Variants in RFTN2 observed in about 807,000 individuals in gnomAD.
RFTN2 encodes raftlin-2.
RFTN2 carries 34 observed loss-of-function variants against 52.7 expected under a neutral mutation model. The observed-to-expected ratio is 0.64, with a 90% confidence interval of 0.49 to 0.86. RFTN2 has a LOEUF of 0.86. Among genes scored for constraint, RFTN2 ranks in the 40% least tolerant of loss-of-function variants. The probability of loss-of-function intolerance (pLI) is 0.00; values close to 1 mark genes in which losing one functional copy is unlikely to be tolerated. For synonymous variants in RFTN2, 203 were observed against 217.7 expected (o/e 0.93, Z 0.59); for missense variants, 536 against 600.1 (o/e 0.89, Z 1.12).
chr2:197,585,871 C>T (rs1312041523), intron 8 of RFTN2, among the ~76,000 whole-genome samples: 1 of 152,044 alleles, frequency 6.6e-6, no homozygotes, highest in Non-Finnish European at 1.5e-5. Context: ...TTAAAAAAAC[C>T]TTTCTCCTTA....
intron 2 of RFTN2, among the ~76,000 whole-genome samples, chr2:197,645,757 G>C (rs902298963): frequency 3.3e-5 from 5 of 152,206 alleles, no homozygotes; most frequent in Admixed American, 6.5e-5. Flanking sequence ...GGGTGCAGTG[G>C]CTCATGCCTG....
At chr2:197,576,179 T>G (rs2087416712) in intron 8 of RFTN2, among the ~76,000 whole-genome samples, 1 of 151,906 alleles carries the variant, frequency 6.6e-6, no homozygotes, top group Admixed American at 6.6e-5. Context: ...AGCTAATTTT[T>G]GTGTTATTAG....
intron 7 of RFTN2, among the ~76,000 whole-genome samples, chr2:197,604,509 A>C (rs547385913): frequency 4.5e-4 from 69 of 152,302 alleles, no homozygotes; most frequent in African/African-American, 1.6e-3. Flanking sequence ...AAACAGGCAA[A>C]ACTAAACTGT....
chr2:197,579,493 G>A (rs1056880133), intron 8 of RFTN2, among the ~76,000 whole-genome samples: 5 of 152,064 alleles, frequency 3.3e-5, no homozygotes, highest in African/African-American at 1.2e-4. Context: ...CTCAACAATT[G>A]TTCCAAATAG....
intron 1 of RFTN2, among the ~76,000 whole-genome samples, chr2:197,673,694 C>T (rs1468126350): frequency 6.6e-6 from 1 of 152,150 alleles, no homozygotes; most frequent in Non-Finnish European, 1.5e-5. Flanking sequence ...TAACAAAACC[C>T]AAGTGACTTT....
At chr2:197,643,577 C>A (rs2106248858) in intron 3 of RFTN2, among the ~76,000 whole-genome samples, 1 of 152,214 alleles carries the variant, frequency 6.6e-6, no homozygotes, top group Middle Eastern at 3.4e-3. Context: ...TCTCTCTGTC[C>A]ATTTAAGACG....
At chr2:197,617,132 TA>T (rs566065843) in intron 6 of RFTN2, among the ~76,000 whole-genome samples, 3 of 151,972 alleles carry the variant, frequency 2.0e-5, no homozygotes, top group African/African-American at 4.8e-5. Context: ...TTCATAAGGT[TA>T]AAAAAAACCT....
At chr2:197,618,081 C>T (rs1574711085) in intron 5 of RFTN2, 160 bp from the exon 6 acceptor site, 2 of 366,362 alleles carry the variant, frequency 5.5e-6, no homozygotes, top group Admixed American at 4.4e-5. Flanking sequence ...TCTCCCTCTC[C>T]CTCTCCCCAC....
At chr2:197,585,161 C>T (rs373490640) in intron 8 of RFTN2, among the ~76,000 whole-genome samples, 1 of 152,178 alleles carries the variant, frequency 6.6e-6, no homozygotes, top group Non-Finnish European at 1.5e-5. Context: ...TTCTGAAGAA[C>T]AGTAATAACC....
intron 1 of RFTN2, among the ~76,000 whole-genome samples, chr2:197,652,082 T>G (rs1413704879): frequency 6.6e-6 from 1 of 152,248 alleles, no homozygotes; most frequent in Non-Finnish European, 1.5e-5. Context: ...GAAATCCTCT[T>G]GGTATCTTTC....
chr2:197,653,390 G>A (rs892571781), intron 1 of RFTN2, among the ~76,000 whole-genome samples: 9 of 152,126 alleles, frequency 5.9e-5, no homozygotes, highest in African/African-American at 2.2e-4. Flanking sequence ...GCACCATCTG[G>A]ATATATCTGA....
chr2:197,636,433 TCTC>T (rs1275926339), intron 3 of RFTN2, among the ~76,000 whole-genome samples: 1 of 132,844 alleles, frequency 7.5e-6, no homozygotes, highest in Non-Finnish European at 1.6e-5. Flanking sequence ...GGTTTGTAGT[TCTC>T]CTTGAAGAGG....
chr2:197,608,170 T>C (rs1033716290), intron 7 of RFTN2, among the ~76,000 whole-genome samples: 13 of 152,202 alleles, frequency 8.5e-5, no homozygotes, highest in Admixed American at 5.9e-4. Flanking sequence ...AGACTTCCAG[T>C]GCTTCTGAGC....
intron 3 of RFTN2, among the ~76,000 whole-genome samples, chr2:197,635,459 G>A (rs1453414062): frequency 6.6e-6 from 1 of 152,080 alleles, no homozygotes; most frequent in Non-Finnish European, 1.5e-5. Context: ...TCTCATTGTG[G>A]TTTTGATTTG....
chr2:197,576,680 A>G (rs1330183843), intron 8 of RFTN2, among the ~76,000 whole-genome samples: 1 of 152,216 alleles, frequency 6.6e-6, no homozygotes, highest in African/African-American at 2.4e-5. Flanking sequence ...AAAGCAAACA[A>G]ACAGCTTTAT....
At chr2:197,648,308 T>C (rs2088781584) in intron 1 of RFTN2, among the ~76,000 whole-genome samples, 1 of 152,208 alleles carries the variant, frequency 6.6e-6, no homozygotes. Flanking sequence ...AGGGTCCACT[T>C]CCTCCAATTT....
rs1301781603 is a variant in RFTN2, at chr2:197,570,420, T to C, written c.*1588A>G. On this transcript the variant is annotated 3_prime_UTR_variant, in exon 9 of 9. Coordinates refer to ENST00000295049, the MANE Select transcript of RFTN2 (RefSeq NM_144629.3). ...ATTGATAACATGTAATACATATCTGTTATATGTATAAAACATATTATATGA... is the reference window on the plus strand; with the variant it reads ...ATTGATAACATGTAATACATATCTGCTATATGTATAAAACATATTATATGA... 6.6e-6 allele frequency: 1 copy of C among 152,218 alleles called. No individual in the cohort carries two copies. The highest frequency in any genetic ancestry group is 1.5e-5 in the Non-Finnish European group (1 of 68,034). The allele number at this position is 152,218 out of a possible 1,614,324, so 9.4% of individuals were successfully genotyped here.
At chr2:197,593,842 C>T (rs867674540) in intron 8 of RFTN2, among the ~76,000 whole-genome samples, 12 of 145,798 alleles carry the variant, frequency 8.2e-5, no homozygotes, top group Middle Eastern at 3.5e-3. Context: ...GCAGAGATTG[C>T]GCCACTGCAC....
chr2:197,643,215 A>G (rs1212739039), intron 3 of RFTN2, among the ~76,000 whole-genome samples: 1 of 151,858 alleles, frequency 6.6e-6, no homozygotes, highest in Non-Finnish European at 1.5e-5. Context: ...TCCTGAGTAC[A>G]TGGTACTACA....
Sources: allele counts gnomAD v4.1 joint callset (sites outside exome capture counted in the v4.1 genomes callset), GRCh38; gene constraint gnomAD v4.1.1; transcripts MANE v1.5; gene names NCBI Gene and HGNC (gene_info 2026-07-23, HGNC 2026-07-21).